GRAMD1C: variants seen among roughly 807,000 people sequenced by gnomAD.
GRAMD1C encodes the protein GRAM domain containing 1C, also known as protein Aster-C.
A neutral mutation model predicts 97.8 loss-of-function variants in GRAMD1C; 89 were observed. That is an observed-to-expected ratio of 0.91 (90% confidence interval 0.77 to 1.09). The LOEUF (loss-of-function observed/expected upper bound fraction) is 1.09, where lower values mean the gene tolerates loss of function less well. Among genes scored for constraint, GRAMD1C ranks in the 50% least tolerant of loss-of-function variants. The probability of loss-of-function intolerance (pLI) is 0.00; values close to 1 mark genes in which losing one functional copy is unlikely to be tolerated. For synonymous variants in GRAMD1C, 256 were observed against 267.0 expected (o/e 0.96, Z 0.40); for missense variants, 740 against 766.4 (o/e 0.97, Z 0.41).
intron 1 of GRAMD1C, among the ~76,000 whole-genome samples, chr3:113,843,575 G>A (rs564311383): frequency 3.0e-4 from 46 of 151,912 alleles, no homozygotes; most frequent in Admixed American, 2.3e-3. Context: ...CTCCTCCTGG[G>A]TTCAAGCAAT....
At position 113,895,605 on chromosome 3, in the gene GRAMD1C, GA is replaced by G. The variant is rs968287384; in HGVS notation, c.541-5418del. On this transcript the variant is annotated intron_variant, in intron 6 of 17. Transcript: ENST00000358160. The stretch of plus-strand genomic sequence containing the variant: ...TAAATGCAACATTCAGACCTACCTG[GA>G]AAAAAAATGAATATGAAATTGGTAA... 8.6e-5 allele frequency among the ~76,000 whole-genome samples: 13 copies of G among 151,914 alleles called. No individual in the cohort carries two copies. The East Asian group carries it at 1.4e-3, about 16-fold the overall frequency.
intron 3 of GRAMD1C, among the ~76,000 whole-genome samples, chr3:113,871,744 CAA>C (rs1179822586): frequency 0.016 from 1,044 of 65,304 alleles, 7 homozygotes; most frequent in African/African-American, 0.077. Context: ...GACTCTGTCT[CAA>C]AAAAAAAAAA....
chr3:113,887,101 T>TG (rs1559795760), intron 6 of GRAMD1C, among the ~76,000 whole-genome samples: 4 of 140,538 alleles, frequency 2.8e-5, no homozygotes, highest in African/African-American at 8.0e-5. Context: ...TTTTTGTTTT[T>TG]TTTTTTTTTT....
chr3:113,844,091 C>A (rs1386876123), intron 1 of GRAMD1C, among the ~76,000 whole-genome samples: 1 of 152,178 alleles, frequency 6.6e-6, no homozygotes, highest in Non-Finnish European at 1.5e-5. Context: ...AACCAAACTA[C>A]CTAGCAAATA....
chr3:113,925,498 C>A (rs1937203200), intron 10 of GRAMD1C, among the ~76,000 whole-genome samples: 1 of 151,784 alleles, frequency 6.6e-6, no homozygotes, highest in African/African-American at 2.4e-5. Context: ...AACAAACAAA[C>A]AAACAAAACC....
chr3:113,879,132 G>A (rs367941335), intron 5 of GRAMD1C, among the ~76,000 whole-genome samples: 202 of 152,108 alleles, frequency 1.3e-3, no homozygotes, highest in African/African-American at 4.6e-3. Context: ...TTGAACCCGG[G>A]GGGTGGAGGT....
intron 10 of GRAMD1C, among the ~76,000 whole-genome samples, chr3:113,926,767 G>T (rs1300843164): frequency 6.6e-6 from 1 of 152,144 alleles, no homozygotes; most frequent in Non-Finnish European, 1.5e-5. Context: ...ATTTCAGGGG[G>T]CCCAGGCTCA....
chr3:113,833,858 T>C (rs1395112996), upstream of GRAMD1C, among the ~76,000 whole-genome samples: 1 of 152,190 alleles, frequency 6.6e-6, no homozygotes, highest in Non-Finnish European at 1.5e-5. Context: ...TTTGTGGAAG[T>C]ACAGACTTTT....
chr3:113,907,728 A>G (rs1244460484), intron 8 of GRAMD1C, among the ~76,000 whole-genome samples: 2 of 152,230 alleles, frequency 1.3e-5, no homozygotes, highest in Non-Finnish European at 2.9e-5. Context: ...ACAAAGAAAT[A>G]AAAGCCATCC....
At chr3:113,896,859 C>T (rs1935969100) in intron 6 of GRAMD1C, among the ~76,000 whole-genome samples, 1 of 152,020 alleles carries the variant, frequency 6.6e-6, no homozygotes, top group South Asian at 2.1e-4. Flanking sequence ...AATTTTGCTT[C>T]TTTATTTAGA....
intron 10 of GRAMD1C, among the ~76,000 whole-genome samples, chr3:113,925,244 C>G (rs1274974102): frequency 6.6e-6 from 1 of 152,172 alleles, no homozygotes; most frequent in African/African-American, 2.4e-5. Flanking sequence ...AATCCCAGCA[C>G]TTTGGGAGGC....
chr3:113,867,884 C>T (rs1365561585), intron 2 of GRAMD1C, among the ~76,000 whole-genome samples: 1 of 152,116 alleles, frequency 6.6e-6, no homozygotes, highest in Non-Finnish European at 1.5e-5. Flanking sequence ...TTTCTATCTT[C>T]CCCTTTTTCC....
intron 3 of GRAMD1C, among the ~76,000 whole-genome samples, chr3:113,870,974 G>GACAC (rs550859238): frequency 0.013 from 992 of 76,160 alleles, 8 homozygotes; most frequent in African/African-American, 0.018. Flanking sequence ...ATAAATAAAA[G>GACAC]ACACACACAC....
intron 2 of GRAMD1C, among the ~76,000 whole-genome samples, chr3:113,847,531 AAAAT>A (rs1481232679): frequency 2.0e-5 from 3 of 152,366 alleles, no homozygotes; most frequent in East Asian, 3.9e-4. Flanking sequence ...AAAAGTCTGG[AAAAT>A]AAATAATTCA....
intron 9 of GRAMD1C, among the ~76,000 whole-genome samples, chr3:113,909,617 C>A (rs1313642378): frequency 6.6e-6 from 1 of 151,986 alleles, no homozygotes; most frequent in Admixed American, 6.6e-5. Flanking sequence ...TCTTTTCCTC[C>A]TTTTAAAAAA....
At chr3:113,840,347 T>A (rs1333083077) in intron 1 of GRAMD1C, among the ~76,000 whole-genome samples, 1 of 152,082 alleles carries the variant, frequency 6.6e-6, no homozygotes, top group African/African-American at 2.4e-5. Flanking sequence ...TAAAATGGCT[T>A]AAGAGAGCCT....
Position 113,945,382 on chromosome 3 carries a change from T to A in GRAMD1C, c.1909-16T>A. 1.3e-6 allele frequency: 2 copies of A among 1,509,540 alleles called. No individual in the cohort carries two copies. The highest frequency in any genetic ancestry group is 1.8e-6 in the Non-Finnish European group (2 of 1,099,448). 93.5% of individuals were successfully genotyped at this position (1,509,540 alleles called of 1,614,324 possible). On this transcript the variant is annotated splice_polypyrimidine_tract_variant and intron_variant, in intron 17 of 17. Coordinates refer to ENST00000358160, the MANE Select transcript of GRAMD1C (RefSeq NM_017577.5). ...AGAAAAATTAATCTGATTTTGAAAA[T>A]TAACTTTGTTTACAGCTGAAGAGCT... is the stretch of plus-strand genomic sequence containing the variant.
intron 6 of GRAMD1C, among the ~76,000 whole-genome samples, chr3:113,889,886 C>T (rs1029568741): frequency 6.6e-6 from 1 of 152,158 alleles, no homozygotes; most frequent in Non-Finnish European, 1.5e-5. Flanking sequence ...GATCTGCCTG[C>T]CTCGGCCTCC....
intron 3 of GRAMD1C, among the ~76,000 whole-genome samples, chr3:113,872,842 C>G (rs550350372): frequency 6.7e-6 from 1 of 148,322 alleles, no homozygotes; most frequent in Admixed American, 6.8e-5. Flanking sequence ...GAGGCCGAGG[C>G]GGGCAGATCG....
Sources: gnomAD v4.1 joint callset for allele counts (sites outside exome capture counted in the v4.1 genomes callset) on GRCh38, gnomAD v4.1.1 for gene constraint, MANE v1.5 for transcripts, NCBI Gene and HGNC (gene_info 2026-07-23, HGNC 2026-07-21) for gene names.